MED13L: variants seen among roughly 807,000 people sequenced by gnomAD.
MED13L encodes mediator of RNA polymerase II transcription subunit 13-like.
A neutral mutation model predicts 220.9 loss-of-function variants in MED13L; 7 were observed. That is an observed-to-expected ratio of 0.03 (90% CI 0.02 to 0.06). The LOEUF is 0.06. MED13L is among the 10% of genes least tolerant of loss of function. MED13L has a pLI of 1.00. For missense variants in MED13L, 1,965 were observed against 2,760.5 expected, an observed-to-expected ratio of 0.71 and a Z score of 6.46; for synonymous variants, 1,011 against 1,015.2, an observed-to-expected ratio of 1.00 and a Z score of 0.08.
At chr12:116,055,832 T>C (rs565035897) in intron 4 of MED13L, among the ~76,000 whole-genome samples, 1 of 151,758 alleles carries the variant, frequency 6.6e-6, no homozygotes, top group African/African-American at 2.4e-5. Flanking sequence ...GAGGCGGAGG[T>C]TGCAGTGAGC....
chr12:116,108,643 A>G (rs1336845666), intron 3 of MED13L, among the ~76,000 whole-genome samples: 1 of 152,204 alleles, frequency 6.6e-6, no homozygotes, highest in African/African-American at 2.4e-5. Context: ...ACCATTTTTC[A>G]AAAGAATCTG....
At chr12:116,226,958 G>GTT (rs768438065) in intron 2 of MED13L, among the ~76,000 whole-genome samples, 2 of 144,276 alleles carry the variant, frequency 1.4e-5, no homozygotes, top group East Asian at 2.0e-4. Context: ...TACCATTAAG[G>GTT]TTTTTTTTTT....
chr12:116,249,493 CTCA>C (rs1270600131), intron 1 of MED13L, among the ~76,000 whole-genome samples: 1 of 151,918 alleles, frequency 6.6e-6, no homozygotes, highest in Non-Finnish European at 1.5e-5. Flanking sequence ...AAAAATGGGA[CTCA>C]TGACTGTAAG....
chr12:116,096,659 A>G lies in MED13L; in HGVS notation c.479+10T>C, dbSNP rs778577963. On this transcript the variant is annotated intron_variant, in intron 4 of 30. Coordinates refer to ENST00000281928, the MANE Select transcript of MED13L (RefSeq NM_015335.5). ...GAAACCAAAAAGCCAAGAGCATTCT[A>G]AAGGCTCACCTTTTGTTGACTGGCT... The G allele has an allele frequency of 6.2e-7, 1 of 1,612,694 alleles. No individual in the cohort carries two copies. Among genetic ancestry groups the G allele is most frequent in the Non-Finnish European group, 8.5e-7 (1 of 1,178,738 alleles).
chr12:116,019,999 T>G lies in MED13L; in HGVS notation c.626-27A>C, dbSNP rs11611238. 151,928 of 1,588,040 alleles carry G rather than the reference T, an allele frequency of 0.096. 8,308 individuals carry two copies. The highest frequency in any genetic ancestry group is 0.15 in the Middle Eastern group (872 of 5,998). On this transcript the variant is annotated intron_variant, in intron 5 of 30. Coordinates refer to ENST00000281928, the MANE Select transcript of MED13L (RefSeq NM_015335.5). ...TATGGAGGGGAGGAGAAATACATGC[T>G]AAACATTAGAGAAATAATTCCTACT...
At chr12:115,968,381 G>A (rs73196095) in intron 28 of MED13L, among the ~76,000 whole-genome samples, 228 of 152,178 alleles carry the variant, frequency 1.5e-3, no homozygotes, top group Non-Finnish European at 2.7e-3. Flanking sequence ...TTAATACTCT[G>A]GCGTTAACCT....
At chr12:116,020,687 C>A (rs1209486753) in intron 5 of MED13L, among the ~76,000 whole-genome samples, 1 of 152,066 alleles carries the variant, frequency 6.6e-6, no homozygotes, top group South Asian at 2.1e-4. Context: ...CAGTATTTGA[C>A]CTTGATGGCA....
chr12:116,018,598 A>T (rs562978758), intron 7 of MED13L, among the ~76,000 whole-genome samples: 1 of 152,206 alleles, frequency 6.6e-6, no homozygotes, highest in Non-Finnish European at 1.5e-5. Context: ...CAAAGTTAAT[A>T]TAGGAACTAT....
At chr12:115,998,771 A>C (rs1165542478) in intron 14 of MED13L, among the ~76,000 whole-genome samples, 1 of 152,220 alleles carries the variant, frequency 6.6e-6, no homozygotes, top group Admixed American at 6.5e-5. Context: ...GGGAGAGGCC[A>C]ATCAGCAGGG....
chr12:116,004,533 G>A (rs549174980), intron 13 of MED13L, among the ~76,000 whole-genome samples: 16 of 152,110 alleles, frequency 1.1e-4, no homozygotes, highest in Admixed American at 8.5e-4. Context: ...AGCCCTCAGA[G>A]GAACACATAT....
Position 115,969,109 on chromosome 12 carries a change from G to C in MED13L, c.6068-12C>G. On this transcript the variant is annotated splice_polypyrimidine_tract_variant and intron_variant, in intron 27 of 30. Coordinates refer to ENST00000281928, the MANE Select transcript of MED13L (RefSeq NM_015335.5). ...AACAAACATATCATCTAGAGGGAAG[G>C]GGGGAAAAAAAGCACAAAAATTAAA... is the stretch of plus-strand genomic sequence containing the variant. The C allele has an allele frequency of 1.2e-6, 2 of 1,613,174 alleles. No homozygotes were observed. The highest frequency in any genetic ancestry group is 1.7e-6 in the Non-Finnish European group (2 of 1,179,614).
In MED13L at chr12:116,038,112, T is replaced by C. The variant is rs540065653; in HGVS notation, c.480-15511A>G. Among the ~76,000 whole-genome samples the C allele has an allele frequency of 4.6e-5, 7 of 152,200 alleles. No individual in the cohort carries two copies. The East Asian group carries it at 1.4e-3, about 29-fold the overall frequency. On this transcript the variant is annotated intron_variant, in intron 4 of 30. Coordinates refer to ENST00000281928, the MANE Select transcript of MED13L (RefSeq NM_015335.5). Reference sequence around the variant, plus strand: ...CACACAGATTAAAGTGGAATTTATATTAGGTAAACTGTAACCACCAAAGTA... The same window carrying C: ...CACACAGATTAAAGTGGAATTTATACTAGGTAAACTGTAACCACCAAAGTA...
chr12:116,000,742 C>G (rs1878689052), intron 14 of MED13L, among the ~76,000 whole-genome samples: 1 of 152,164 alleles, frequency 6.6e-6, no homozygotes, highest in Non-Finnish European at 1.5e-5. Flanking sequence ...ACTACCTTAA[C>G]ATAAACTTGA....
At chr12:116,031,756 A>AGAAG in intron 4 of MED13L, among the ~76,000 whole-genome samples, 1 of 21,800 alleles carries the variant, frequency 4.6e-5, no homozygotes, top group Admixed American at 5.3e-4. Flanking sequence ...AAAAGAAAAG[A>AGAAG]AAAGAAGGAA....
chr12:116,019,255 G>C lies in MED13L; in HGVS notation c.978C>G (p.Thr326=), dbSNP rs1592953239. ...TAGCCTGTTCTGGAGAGGTGGGAGG[G>C]GTCAGAGGCATCCCACAGTTACTTG... is the stretch of plus-strand genomic sequence containing the variant. ...KDPSNCGMPL[T]PPTSPEQAIL... The change falls in exon 7 of 31, where the codon ACC becomes ACG. Residue 326 remains threonine (T), a synonymous_variant. Coordinates refer to ENST00000281928, the MANE Select transcript of MED13L (RefSeq NM_015335.5). 6.2e-7 allele frequency: 1 copy of C among 1,613,834 alleles called. No individual in the cohort carries two copies. Among genetic ancestry groups the C allele is most frequent in the East Asian group, 2.2e-5 (1 of 44,842 alleles).
chr12:116,126,265 C>T (rs1875577597), intron 2 of MED13L, among the ~76,000 whole-genome samples: 1 of 152,200 alleles, frequency 6.6e-6, no homozygotes, highest in Admixed American at 6.5e-5. Context: ...CAGTTATTTA[C>T]AGTCGCAGTG....
At chr12:116,265,900 A>G (rs960344623) in intron 1 of MED13L, among the ~76,000 whole-genome samples, 2 of 152,158 alleles carry the variant, frequency 1.3e-5, no homozygotes, top group Non-Finnish European at 2.9e-5. Context: ...ACATCCATCC[A>G]TTCCTTCAAC....
At chr12:116,097,122 T>C (rs1872694021) in intron 3 of MED13L, among the ~76,000 whole-genome samples, 1 of 152,066 alleles carries the variant, frequency 6.6e-6, no homozygotes. Context: ...ACTTCAGAGA[T>C]ATTCATCCAA....
chr12:115,977,932 G>C (rs1158725509), intron 23 of MED13L, among the ~76,000 whole-genome samples: 1 of 152,108 alleles, frequency 6.6e-6, no homozygotes, highest in East Asian at 1.9e-4. Context: ...GGAGGTCGAA[G>C]CTGCAAGTAA....
Sources: gnomAD v4.1 joint callset for allele counts (sites outside exome capture counted in the v4.1 genomes callset) on GRCh38, gnomAD v4.1.1 for gene constraint, MANE v1.5 for transcripts, NCBI Gene and HGNC (gene_info 2026-07-23, HGNC 2026-07-21) for gene names.